Variants in CDH13 observed in about 807,000 individuals in gnomAD.
CDH13 encodes cadherin-13.
Under a neutral mutation model 63.8 loss-of-function variants are expected in CDH13, and 24 were observed. The observed-to-expected ratio is 0.38, with a 90% confidence interval of 0.27 to 0.53. The LOEUF is 0.53. Among genes scored for constraint, CDH13 ranks in the 20% least tolerant of loss-of-function variants. The probability of loss-of-function intolerance (pLI) is 0.85; values close to 1 mark genes in which losing one functional copy is unlikely to be tolerated. For missense variants in CDH13, 1,049 were observed against 903.1 expected, an observed-to-expected ratio of 1.16 and a Z score of -2.07; for synonymous variants, 503 against 355.3, an observed-to-expected ratio of 1.42 and a Z score of -4.67.
intron 5 of CDH13, among the ~76,000 whole-genome samples, chr16:83,233,598 G>A (rs1181112408): frequency 6.6e-6 from 1 of 152,096 alleles, no homozygotes; most frequent in Admixed American, 6.5e-5. Flanking sequence ...ACTTTTGGGG[G>A]CCACCTGCAT....
At chr16:82,978,028 T>C (rs567331620) in intron 2 of CDH13, among the ~76,000 whole-genome samples, 9 of 152,270 alleles carry the variant, frequency 5.9e-5, no homozygotes, top group African/African-American at 1.9e-4. Context: ...GTGACTCTCG[T>C]TATGTTTTAG....
chr16:82,836,846 C>T (rs1390958552), intron 1 of CDH13, among the ~76,000 whole-genome samples: 1 of 152,202 alleles, frequency 6.6e-6, no homozygotes, highest in Non-Finnish European at 1.5e-5. Flanking sequence ...TTCCATTCTC[C>T]AAGTGTGACT....
At chr16:83,396,956 C>A (rs1334058863) in intron 6 of CDH13, among the ~76,000 whole-genome samples, 2 of 152,158 alleles carry the variant, frequency 1.3e-5, no homozygotes, top group African/African-American at 2.4e-5. Context: ...TCTATGAAAT[C>A]AGATAACTTG....
intron 4 of CDH13, among the ~76,000 whole-genome samples, chr16:83,144,973 G>A (rs981220916): frequency 6.6e-6 from 1 of 152,196 alleles, no homozygotes; most frequent in African/African-American, 2.4e-5. Context: ...ACCCTTCTTA[G>A]CATCCTGGGG....
chr16:83,027,345 A>C (rs115205304), intron 2 of CDH13, among the ~76,000 whole-genome samples: 20,112 of 152,172 alleles, frequency 0.13, 1,395 homozygotes, highest in African/African-American at 0.17. Context: ...GTTCTATGGG[A>C]AGGAAATTCT....
chr16:82,901,516 G>C lies in CDH13; in HGVS notation c.157+43043G>C, dbSNP rs188597538. Among the ~76,000 whole-genome samples the C allele has an allele frequency of 2.0e-5, 3 of 152,210 alleles. No homozygotes were observed. The East Asian group carries it at 5.8e-4, about 29-fold the overall frequency. On this transcript the variant is annotated intron_variant, in intron 2 of 13. Coordinates refer to ENST00000567109, the MANE Select transcript of CDH13 (RefSeq NM_001257.5). Reference sequence around the variant, plus strand: ...ACTTAGTGAACAAGCAAGTGTGTGAGTGAATAGATCAAAGAATGAATGAAA... The same window carrying C: ...ACTTAGTGAACAAGCAAGTGTGTGACTGAATAGATCAAAGAATGAATGAAA...
intron 7 of CDH13, among the ~76,000 whole-genome samples, chr16:83,560,114 T>A (rs1320302319): frequency 6.6e-6 from 1 of 152,152 alleles, no homozygotes; most frequent in East Asian, 1.9e-4. Context: ...GAATACGTAT[T>A]GAGTAGCTAC....
intron 5 of CDH13, among the ~76,000 whole-genome samples, chr16:83,221,161 G>A (rs1243720079): frequency 1.3e-5 from 2 of 152,196 alleles, no homozygotes; most frequent in Non-Finnish European, 2.9e-5. Flanking sequence ...TCCCCAGCTA[G>A]ATTTTATATC....
At chr16:83,040,083 C>T (rs988228107) in intron 3 of CDH13, among the ~76,000 whole-genome samples, 1 of 151,712 alleles carries the variant, frequency 6.6e-6, no homozygotes, top group Non-Finnish European at 1.5e-5. Context: ...CCCTCGCTCC[C>T]ATGCAGCACA....
intron 10 of CDH13, among the ~76,000 whole-genome samples, chr16:83,738,941 T>G (rs1418076052): frequency 6.6e-6 from 1 of 152,076 alleles, no homozygotes; most frequent in Non-Finnish European, 1.5e-5. Flanking sequence ...AAATAGGAAT[T>G]TAGTGATTTC....
intron 5 of CDH13, among the ~76,000 whole-genome samples, chr16:83,341,198 CAA>C (rs2090713993): frequency 6.6e-6 from 1 of 152,168 alleles, no homozygotes; most frequent in Non-Finnish European, 1.5e-5. Context: ...TCAAAGGAAA[CAA>C]GCATTATTCC....
chr16:83,386,014 G>C lies in CDH13; in HGVS notation c.781+41008G>C, dbSNP rs954511182. 3.3e-5 allele frequency among the ~76,000 whole-genome samples: 5 copies of C among 152,100 alleles called. 1 individual carries two copies. In the South Asian group the frequency reaches 1.0e-3, roughly 32 times the overall value. On this transcript the variant is annotated intron_variant, in intron 6 of 13. Coordinates refer to ENST00000567109, the MANE Select transcript of CDH13 (RefSeq NM_001257.5). The stretch of plus-strand genomic sequence containing the variant: ...ACCAGCATCTCCATTTGTAGCTATG[G>C]GTGCTTGGACAAACACTTCAATGTT...
At chr16:82,665,961 GAGTA>G (rs1253924334) in intron 1 of CDH13, among the ~76,000 whole-genome samples, 1 of 152,084 alleles carries the variant, frequency 6.6e-6, no homozygotes, top group Non-Finnish European at 1.5e-5. Context: ...GGTTTCAATG[GAGTA>G]AGTATTTCTT....
chr16:83,155,174 C>G (rs1048339673), intron 4 of CDH13, among the ~76,000 whole-genome samples: 1 of 152,178 alleles, frequency 6.6e-6, no homozygotes, highest in African/African-American at 2.4e-5. Context: ...GACAAGTAGT[C>G]TTCCCTGAGA....
chr16:83,129,073 A>G (rs7193688), intron 4 of CDH13, among the ~76,000 whole-genome samples: 81,694 of 151,882 alleles, frequency 0.54, 22,978 homozygotes, highest in Non-Finnish European at 0.61. Context: ...TACTCTTTAT[A>G]TCTCCTGTCT....
intron 10 of CDH13, among the ~76,000 whole-genome samples, chr16:83,681,011 G>A (rs1410812053): frequency 1.3e-5 from 2 of 151,998 alleles, no homozygotes; most frequent in Non-Finnish European, 2.9e-5. Context: ...CCTACCAGAG[G>A]AAAGCAACAT....
chr16:83,687,833 C>G (rs143769097), intron 10 of CDH13, among the ~76,000 whole-genome samples: 4 of 152,182 alleles, frequency 2.6e-5, no homozygotes, highest in Admixed American at 6.5e-5. Flanking sequence ...TCTTCCGAAG[C>G]CTTGATCCAA....
At chr16:83,718,932 A>G (rs910751901) in intron 10 of CDH13, among the ~76,000 whole-genome samples, 2 of 152,194 alleles carry the variant, frequency 1.3e-5, no homozygotes, top group African/African-American at 4.8e-5. Flanking sequence ...GCTGATTCTC[A>G]TCGCATTCAG....
At chr16:83,785,009 G>C (rs1283461592) in intron 13 of CDH13, among the ~76,000 whole-genome samples, 1 of 152,224 alleles carries the variant, frequency 6.6e-6, no homozygotes, top group Non-Finnish European at 1.5e-5. Context: ...AGTCTTTTCT[G>C]TAAAGCAGAG....
Sources: allele counts gnomAD v4.1 joint callset (sites outside exome capture counted in the v4.1 genomes callset), GRCh38; gene constraint gnomAD v4.1.1; transcripts MANE v1.5; gene names NCBI Gene and HGNC (gene_info 2026-07-23, HGNC 2026-07-21).